The following ACSM3 variants were observed in gnomAD, a reference collection of about 807,000 sequenced individuals.
ACSM3 encodes acyl-CoA synthetase medium chain family member 3.
Under a neutral mutation model 74.1 loss-of-function variants are expected in ACSM3, and 61 were observed. That is an observed-to-expected ratio of 0.82 (90% CI 0.67 to 1.02). ACSM3 has a LOEUF of 1.02. Ranked by LOEUF, ACSM3 falls within the 50% of genes least tolerant of loss-of-function variation. The probability of loss-of-function intolerance (pLI) is 0.00; values close to 1 mark genes in which losing one functional copy is unlikely to be tolerated. For missense variants in ACSM3, 660 were observed against 697.0 expected (o/e 0.95, Z 0.60); for synonymous variants, 213 against 241.5 (o/e 0.88, Z 1.09).
intron 1 of ACSM3, among the ~76,000 whole-genome samples, chr16:20,723,897 T>G (rs1244114774): frequency 6.6e-6 from 1 of 152,270 alleles, no homozygotes; most frequent in Non-Finnish European, 1.5e-5. Flanking sequence ...AGATCCCATT[T>G]GTCAATGTTG....
intron 1 of ACSM3, among the ~76,000 whole-genome samples, chr16:20,700,647 T>C (rs890943321): frequency 5.3e-5 from 8 of 151,886 alleles, no homozygotes; most frequent in African/African-American, 1.9e-4. Context: ...ATTAAGGATC[T>C]TTATGGACAT....
At position 20,745,585 on chromosome 16, in the gene ACSM3, A is replaced by G. The variant is rs1355957455; in HGVS notation, c.-189-4325A>G. Among the ~76,000 whole-genome samples, 230 of 54,880 alleles carry G rather than the reference A, an allele frequency of 4.2e-3. 1 individual carries two copies. Among genetic ancestry groups the G allele is most frequent in the African/African-American group, 7.7e-3 (221 of 28,764 alleles). 36.0% of individuals were successfully genotyped at this position (54,880 alleles called of 152,430 possible). ...CAAAATAGACTCTGTCTCAAAATAA[A>G]TAAATAAATAAATAAATAAATAAAT... is the stretch of plus-strand genomic sequence containing the variant. On this transcript the variant is annotated intron_variant, in intron 1 of 3. Transcript: ENST00000561584.
At chr16:20,752,901 A>G (rs369493421) in intron 2 of ACSM3, among the ~76,000 whole-genome samples, 1 of 152,206 alleles carries the variant, frequency 6.6e-6, no homozygotes, top group African/African-American at 2.4e-5. Context: ...AAATGGATCT[A>G]TCCTCTAGAT....
At chr16:20,737,156 G>GT (rs760059149) in intron 1 of ACSM3, 1 of 1,614,164 alleles carries the variant, frequency 6.2e-7, no homozygotes, top group South Asian at 1.1e-5. Context: ...CCTGGAGATT[G>GT]TATTTTCTAA....
intron 1 of ACSM3, among the ~76,000 whole-genome samples, chr16:20,745,722 G>A (rs2079955073): frequency 6.6e-6 from 1 of 152,162 alleles, no homozygotes; most frequent in Non-Finnish European, 1.5e-5. Context: ...AGGCCTCACA[G>A]CCAAGCAAGG....
intron 1 of ACSM3, chr16:20,732,984 A>T (rs1395235207): frequency 6.4e-6 from 1 of 156,520 alleles, no homozygotes; most frequent in Non-Finnish European, 1.5e-5. Context: ...AATAGGGACG[A>T]ACATAGCTTG....
intron 1 of ACSM3, among the ~76,000 whole-genome samples, chr16:20,693,755 T>C (rs1286216160): frequency 6.6e-6 from 1 of 152,224 alleles, no homozygotes. Context: ...CCAGCCCCTG[T>C]GTATATTTGA....
chr16:20,678,938 C>T (rs1175297188), intron 1 of ACSM3, among the ~76,000 whole-genome samples: 6 of 152,064 alleles, frequency 3.9e-5, no homozygotes, highest in Admixed American at 6.6e-5. Flanking sequence ...CATCTGTAGA[C>T]TAGAAGAAGT....
chr16:20,753,186 T>C (rs2080001607), intron 2 of ACSM3, among the ~76,000 whole-genome samples: 2 of 150,922 alleles, frequency 1.3e-5, no homozygotes, highest in African/African-American at 4.9e-5. Context: ...AAAGGCTGGC[T>C]GGGTGGGGTG....
chr16:20,750,472 C>G (rs565538705), intron 2 of ACSM3, among the ~76,000 whole-genome samples: 5 of 152,248 alleles, frequency 3.3e-5, no homozygotes, highest in South Asian at 2.1e-4. Flanking sequence ...CTAAACACCC[C>G]CCTCTCTCTC....
At chr16:20,686,444 G>A (rs1172220879) in intron 1 of ACSM3, among the ~76,000 whole-genome samples, 1 of 152,006 alleles carries the variant, frequency 6.6e-6, no homozygotes, top group East Asian at 1.9e-4. Context: ...ACAGGCAGGG[G>A]AACAACACAC....
chr16:20,761,286 A>G (rs1282875251), upstream of ACSM3, among the ~76,000 whole-genome samples: 6 of 152,222 alleles, frequency 3.9e-5, no homozygotes, highest in Non-Finnish European at 7.3e-5. Context: ...CCTAAAATGT[A>G]TCAAATCAAA....
intron 1 of ACSM3, among the ~76,000 whole-genome samples, chr16:20,714,994 A>AAGAC (rs1439641614): frequency 1.6e-4 from 14 of 88,464 alleles, no homozygotes; most frequent in Non-Finnish European, 3.8e-4. Flanking sequence ...GGATAGACGA[A>AAGAC]AGATAGATAG....
chr16:20,788,029 C>G (rs1434127678), intron 9 of ACSM3, among the ~76,000 whole-genome samples: 1 of 152,126 alleles, frequency 6.6e-6, no homozygotes, highest in African/African-American at 2.4e-5. Flanking sequence ...TATCAGAATG[C>G]TTAGTACATA....
chr16:20,711,528 G>A, intron 1 of ACSM3: 1 of 1,422,884 alleles, frequency 7.0e-7, no homozygotes, highest in Non-Finnish European at 9.6e-7. Context: ...TCCTCTACCG[G>A]CTGCAAGCAT....
intron 7 of ACSM3, chr16:20,783,153 G>T (rs2080391138): frequency 6.6e-6 from 1 of 152,128 alleles, no homozygotes; most frequent in Non-Finnish European, 1.5e-5. Context: ...CGCCTCATGA[G>T]AACAAAAGAC....
rs763848035 is a variant in ACSM3 at position 20,780,703 on chromosome 16, T to G, written c.639-11T>G. ...GTTTAACATGCAGTCATTGTAGTTT[T>G]TCCTTTGCAGACATGCCAGTGACAG... On this transcript the variant is annotated splice_polypyrimidine_tract_variant and intron_variant, in intron 4 of 13. Transcript: ENST00000289416. 6.2e-7 allele frequency: 1 copy of G among 1,614,094 alleles called. No homozygotes were observed. Among genetic ancestry groups the G allele is most frequent in the Non-Finnish European group, 8.5e-7 (1 of 1,180,040 alleles).
intron 4 of ACSM3, among the ~76,000 whole-genome samples, chr16:20,778,278 G>T (rs147411401): frequency 6.6e-6 from 1 of 152,174 alleles, no homozygotes; most frequent in Non-Finnish European, 1.5e-5. Flanking sequence ...CTCTTGCCAG[G>T]TACTGGTTAT....
chr16:20,780,810 T>C lies in ACSM3; in HGVS notation c.735T>C (p.Thr245=). 6.2e-7 allele frequency: 1 copy of C among 1,614,232 alleles called. No individual in the cohort carries two copies. Among genetic ancestry groups the C allele is most frequent in the Non-Finnish European group, 8.5e-7 (1 of 1,180,040 alleles). The part of the protein sequence containing the change: ...TSGTSGYPKM[T]AHTHSSFGLG... ...GAACAAGTGGATATCCGAAAATGAC[T>C]GCACACACCCACAGCAGTTTTGGTT... is the stretch of plus-strand genomic sequence containing the variant. Residue 245 remains threonine, a synonymous_variant, in exon 5 of 14, where the codon ACT becomes ACC. Transcript: ENST00000289416.
Sources: gnomAD v4.1 joint callset for allele counts (sites outside exome capture counted in the v4.1 genomes callset) on GRCh38, gnomAD v4.1.1 for gene constraint, MANE v1.5 for transcripts, NCBI Gene and HGNC (gene_info 2026-07-23, HGNC 2026-07-21) for gene names.